TMTC2: variants seen among roughly 807,000 people sequenced by gnomAD.
TMTC2 encodes the protein protein O-mannosyl-transferase TMTC2.
In TMTC2, 43 loss-of-function variants were observed where a neutral mutation model predicts 82.4. The ratio of observed to expected loss-of-function variants is 0.52; its 90% CI spans 0.41 to 0.67. TMTC2 has a LOEUF of 0.67. Ranked by LOEUF, TMTC2 falls within the 30% of genes least tolerant of loss-of-function variation. The pLI is 0.00. For synonymous variants in TMTC2, 408 were observed against 381.9 expected (o/e 1.07, Z -0.80); for missense variants, 919 against 1,012.4 (o/e 0.91, Z 1.25).
chr12:82,816,964 C>G (rs893558228), intron 1 of TMTC2, among the ~76,000 whole-genome samples: 4 of 146,312 alleles, frequency 2.7e-5, no homozygotes, highest in African/African-American at 5.0e-5. Flanking sequence ...ATTTTTCTTT[C>G]TTTGTTTTTT....
intron 4 of TMTC2, among the ~76,000 whole-genome samples, chr12:82,959,952 T>C (rs1877832321): frequency 6.6e-6 from 1 of 151,816 alleles, no homozygotes; most frequent in African/African-American, 2.4e-5. Context: ...CCAGAATCTA[T>C]GAGGAATGTC....
intron 1 of TMTC2, among the ~76,000 whole-genome samples, chr12:82,725,347 T>C (rs1874397871): frequency 1.3e-5 from 2 of 152,190 alleles, no homozygotes; most frequent in Non-Finnish European, 2.9e-5. Context: ...AAAGGAGTTT[T>C]TGTTAGATGT....
chr12:83,115,863 C>G (rs572045512), intron 11 of TMTC2, among the ~76,000 whole-genome samples: 2 of 152,246 alleles, frequency 1.3e-5, no homozygotes, highest in South Asian at 2.1e-4. Context: ...GCTCGGCTCA[C>G]TGCAACCTCT....
At chr12:82,717,690 ATTAT>A (rs1873965210) in intron 1 of TMTC2, among the ~76,000 whole-genome samples, 1 of 152,184 alleles carries the variant, frequency 6.6e-6, no homozygotes, top group African/African-American at 2.4e-5. Context: ...AGGTACCTCT[ATTAT>A]TTATCCAGAA....
At position 82,704,257 on chromosome 12, in the gene TMTC2, A is replaced by G. The variant is rs566928022; in HGVS notation, c.83+16588A>G. On this transcript the variant is annotated intron_variant, in intron 1 of 11. Transcript: ENST00000321196. ...TTTTATTTTTATTTCTTTTTCTGTCATCATTATTTATGAAAACTGGTTGAA... is the reference window on the plus strand; with the variant it reads ...TTTTATTTTTATTTCTTTTTCTGTCGTCATTATTTATGAAAACTGGTTGAA... Among the ~76,000 whole-genome samples the G allele has an allele frequency of 3.0e-4, 46 of 152,308 alleles. No individual in the cohort carries two copies. The South Asian group carries it at 9.5e-3, about 32-fold the overall frequency.
intron 11 of TMTC2, among the ~76,000 whole-genome samples, chr12:83,085,489 G>A (rs760978112): frequency 6.6e-6 from 1 of 152,176 alleles, no homozygotes; most frequent in South Asian, 2.1e-4. Context: ...TGGGGAAATA[G>A]TGGTGTATAT....
At chr12:82,910,507 T>C (rs1432909207) in intron 3 of TMTC2, among the ~76,000 whole-genome samples, 3 of 152,176 alleles carry the variant, frequency 2.0e-5, no homozygotes, top group Non-Finnish European at 4.4e-5. Context: ...TTGTGTTAGC[T>C]CAATTAGACC....
At chr12:82,884,899 T>C (rs1324227256) in intron 2 of TMTC2, among the ~76,000 whole-genome samples, 1 of 152,146 alleles carries the variant, frequency 6.6e-6, no homozygotes, top group African/African-American at 2.4e-5. Context: ...CTTTTTTTGT[T>C]TATTTTCTGA....
chr12:82,723,320 T>C (rs981104500), intron 1 of TMTC2, among the ~76,000 whole-genome samples: 2 of 152,212 alleles, frequency 1.3e-5, no homozygotes, highest in African/African-American at 4.8e-5. Context: ...TATTTTAATT[T>C]AGGAGCTCCA....
intron 2 of TMTC2, among the ~76,000 whole-genome samples, chr12:82,885,247 T>C (rs1873031052): frequency 1.3e-5 from 2 of 152,140 alleles, no homozygotes; most frequent in African/African-American, 4.8e-5. Context: ...TTCCCAATTA[T>C]ATATTTAGCA....
chr12:82,844,491 A>G (rs1335792703), intron 1 of TMTC2, among the ~76,000 whole-genome samples: 1 of 152,120 alleles, frequency 6.6e-6, no homozygotes, highest in Non-Finnish European at 1.5e-5. Flanking sequence ...GGTTATAGTT[A>G]CGTTCTCTCT....
At chr12:82,987,556 A>C (rs1879212730) in intron 8 of TMTC2, among the ~76,000 whole-genome samples, 1 of 152,126 alleles carries the variant, frequency 6.6e-6, no homozygotes, top group Non-Finnish European at 1.5e-5. Flanking sequence ...ACTGAGCATG[A>C]GTAGTAAGAG....
At chr12:82,824,306 C>CA (rs1205259693) in intron 1 of TMTC2, among the ~76,000 whole-genome samples, 1 of 152,154 alleles carries the variant, frequency 6.6e-6, no homozygotes, top group Non-Finnish European at 1.5e-5. Context: ...ATAAACAGAC[C>CA]ATCAGCCCTC....
At chr12:82,882,304 G>A (rs1033117301) in intron 2 of TMTC2, among the ~76,000 whole-genome samples, 14 of 152,064 alleles carry the variant, frequency 9.2e-5, no homozygotes, top group Non-Finnish European at 2.1e-4. Flanking sequence ...CGGCCAAGAT[G>A]TTTTTAAATA....
chr12:82,955,153 C>T (rs968320931), intron 4 of TMTC2, among the ~76,000 whole-genome samples: 4 of 152,120 alleles, frequency 2.6e-5, no homozygotes, highest in African/African-American at 9.7e-5. Context: ...CTGTTCTGTG[C>T]CTTGTAAGAT....
intron 1 of TMTC2, 25 bp from the exon 2 acceptor site, chr12:82,856,984 AT>A (rs753925973): frequency 3.8e-6 from 6 of 1,572,676 alleles, no homozygotes; most frequent in Admixed American, 1.8e-5. Flanking sequence ...TTTACATTTG[AT>A]TTTTTTTAAC....
At chr12:83,131,531 T>G (rs752989252) in intron 11 of TMTC2, among the ~76,000 whole-genome samples, 13 of 152,324 alleles carry the variant, frequency 8.5e-5, no homozygotes, top group Non-Finnish European at 1.5e-4. Flanking sequence ...AAAGGTTTCA[T>G]TTTTCTCTGC....
intron 2 of TMTC2, among the ~76,000 whole-genome samples, chr12:82,868,079 T>C (rs1871958419): frequency 6.6e-6 from 1 of 152,320 alleles, no homozygotes; most frequent in East Asian, 1.9e-4. Context: ...GGATATAATA[T>C]CTTCGCTGTT....
intron 1 of TMTC2, among the ~76,000 whole-genome samples, chr12:82,778,511 C>T (rs1877712890): frequency 6.6e-6 from 1 of 152,014 alleles, no homozygotes; most frequent in African/African-American, 2.4e-5. Flanking sequence ...GTCAGTAGAT[C>T]AGGACCATCC....
Sources: allele counts gnomAD v4.1 joint callset (sites outside exome capture counted in the v4.1 genomes callset), GRCh38; gene constraint gnomAD v4.1.1; transcripts MANE v1.5; gene names NCBI Gene and HGNC (gene_info 2026-07-23, HGNC 2026-07-21).